The following RSL1D1 variants were observed in gnomAD, a reference collection of about 807,000 sequenced individuals.
The protein encoded by RSL1D1 is ribosomal L1 domain containing 1.
RSL1D1 carries 34 observed loss-of-function variants against 44.6 expected under a neutral mutation model. The ratio of observed to expected loss-of-function variants is 0.76; its 90% confidence interval spans 0.58 to 1.02. The LOEUF (loss-of-function observed/expected upper bound fraction) is 1.02. Ranked by LOEUF, RSL1D1 falls within the 50% of genes least tolerant of loss-of-function variation. RSL1D1 has a pLI of 0.00. For missense variants in RSL1D1, 767 were observed against 568.1 expected (o/e 1.35, Z -3.56); for synonymous variants, 271 against 207.4 (o/e 1.31, Z -2.63).
In RSL1D1 at chr16:11,845,077, A is replaced by G. The variant is rs530713619; in HGVS notation, c.635+1424T>C. Among the ~76,000 whole-genome samples the G allele has an allele frequency of 1.1e-4, 17 of 152,336 alleles. No homozygotes were observed. The South Asian group carries it at 1.9e-3, about 17-fold the overall frequency. On this transcript the variant is annotated intron_variant, in intron 5 of 8. Transcript: ENST00000571133. Reference sequence around the variant, plus strand: ...CACACCAAATAGGCAGATGAACAGGATAAGTGCTGAATTCATTTAATAGGA... The same window carrying G: ...CACACCAAATAGGCAGATGAACAGGGTAAGTGCTGAATTCATTTAATAGGA...
At chr16:11,843,079 G>A (rs1213598711) in intron 5 of RSL1D1, among the ~76,000 whole-genome samples, 2 of 150,410 alleles carry the variant, frequency 1.3e-5, no homozygotes, top group Non-Finnish European at 3.0e-5. Flanking sequence ...GCGCCACCAC[G>A]CCCGGCTAAT....
At chr16:11,842,466 G>A (rs2053769808) in intron 5 of RSL1D1, among the ~76,000 whole-genome samples, 1 of 150,640 alleles carries the variant, frequency 6.6e-6, no homozygotes, top group African/African-American at 2.4e-5. Context: ...TCAACGTACT[G>A]GGCTTAAGTA....
In RSL1D1 at chr16:11,837,697, A is replaced by T; in HGVS notation, c.*90T>A. 8.4e-7 allele frequency: 1 copy of T among 1,191,020 alleles called. No homozygotes were observed. The highest frequency in any genetic ancestry group is 1.2e-6 in the Non-Finnish European group (1 of 836,298). 73.8% of individuals were successfully genotyped at this position (1,191,020 alleles called of 1,614,324 possible). ...TCTTTTAAGTCCAGGCCTGACGTTT[A>T]GAGAAGGTTACAAAGGCGGCCAGGA... On this transcript the variant is annotated 3_prime_UTR_variant, in exon 9 of 9. Transcript: ENST00000571133.
intron 5 of RSL1D1, among the ~76,000 whole-genome samples, chr16:11,844,922 G>T (rs963010046): frequency 1.3e-5 from 2 of 152,158 alleles, no homozygotes; most frequent in African/African-American, 4.8e-5. Context: ...AGCCTGAACC[G>T]CATCCTTTGC....
chr16:11,845,724 T>G (rs1338798666), intron 5 of RSL1D1, among the ~76,000 whole-genome samples: 1 of 117,578 alleles, frequency 8.5e-6, no homozygotes, highest in African/African-American at 2.6e-5. Context: ...GAACTGAACT[T>G]TTTTTTTTTT....
chr16:11,838,781 C>T (rs150418173), intron 8 of RSL1D1, among the ~76,000 whole-genome samples: 3 of 145,344 alleles, frequency 2.1e-5, no homozygotes, highest in East Asian at 4.1e-4. Flanking sequence ...TGCTTGGGCA[C>T]GAAAGGTGGA....
intron 2 of RSL1D1, 83 bp from the exon 3 acceptor site, chr16:11,847,889 C>T: frequency 7.3e-7 from 1 of 1,371,276 alleles, no homozygotes; most frequent in Non-Finnish European, 1.0e-6. Flanking sequence ...ACGCGATAAA[C>T]TTAGTGTTAT....
At chr16:11,847,141 C>T (rs1033629812) in intron 3 of RSL1D1, among the ~76,000 whole-genome samples, 4 of 152,044 alleles carry the variant, frequency 2.6e-5, no homozygotes, top group Admixed American at 6.6e-5. Context: ...TTTGGGAGGC[C>T]GAGGTGGGTG....
chr16:11,845,600 C>T (rs913337397), intron 5 of RSL1D1, among the ~76,000 whole-genome samples: 1 of 152,164 alleles, frequency 6.6e-6, no homozygotes, highest in Admixed American at 6.6e-5. Context: ...AACACAGTAG[C>T]CACATTTCAA....
At chr16:11,848,533 T>A (rs2053814665) in intron 2 of RSL1D1, among the ~76,000 whole-genome samples, 1 of 152,200 alleles carries the variant, frequency 6.6e-6, no homozygotes, top group Non-Finnish European at 1.5e-5. Flanking sequence ...TTTCTTCTTT[T>A]CCTTTTTTTG....
intron 2 of RSL1D1, among the ~76,000 whole-genome samples, 169 bp from the exon 3 acceptor site, chr16:11,847,975 G>T (rs1230863683): frequency 6.6e-6 from 1 of 152,188 alleles, no homozygotes; most frequent in Non-Finnish European, 1.5e-5. Flanking sequence ...TTCATGGCCG[G>T]TAGTAGTGGC....
intron 7 of RSL1D1, among the ~76,000 whole-genome samples, 189 bp from the exon 8 acceptor site, chr16:11,840,174 T>C (rs1182924007): frequency 6.6e-6 from 1 of 152,218 alleles, no homozygotes; most frequent in East Asian, 1.9e-4. Context: ...CAAACATGCA[T>C]TTTATGCAGT....
In RSL1D1 at chr16:11,841,707, A is replaced by G. The variant is rs778657667; in HGVS notation, c.843T>C (p.Asn281=). Residue 281 remains asparagine (N), a synonymous_variant, in exon 7 of 9, where the codon AAT becomes AAC. Coordinates refer to ENST00000571133, the MANE Select transcript of RSL1D1 (RefSeq NM_015659.3). ...WDEATKRSLL[N]KKKKEARRKR... ...AAATTCTACTAACTTTTTTCTTCTT[A>G]TTAAGCAAAGATCTTTTGGTGGCTT... 30 of 1,610,788 alleles carry G rather than the reference A, an allele frequency of 1.9e-5. No individual in the cohort carries two copies. Among genetic ancestry groups the G allele is most frequent in the Non-Finnish European group, 2.5e-5 (29 of 1,179,092 alleles).
intron 5 of RSL1D1, among the ~76,000 whole-genome samples, chr16:11,843,100 T>A (rs896940680): frequency 2.7e-5 from 4 of 149,924 alleles, no homozygotes; most frequent in South Asian, 2.1e-4. Flanking sequence ...TTTTTGTATT[T>A]TTTTTTTTTT....
intron 8 of RSL1D1, 95 bp downstream of exon 8, chr16:11,839,600 T>C (rs1323007521): frequency 6.6e-7 from 1 of 1,510,032 alleles, no homozygotes; most frequent in Non-Finnish European, 8.8e-7. Flanking sequence ...GGGTTCACTC[T>C]AGTATTTTTC....
intron 7 of RSL1D1, 30 bp downstream of exon 7, chr16:11,841,665 C>A: frequency 6.3e-7 from 1 of 1,588,746 alleles, no homozygotes; most frequent in South Asian, 1.1e-5. Context: ...CTTCATTATT[C>A]ATTCTGTAAG....
rs771252515 is a variant in RSL1D1 at position 11,841,824 on chromosome 16, A to C, written c.730-4T>G. 2 of 1,612,760 alleles carry C rather than the reference A, an allele frequency of 1.2e-6. No individual in the cohort carries two copies. The highest frequency in any genetic ancestry group is 1.7e-6 in the Non-Finnish European group (2 of 1,179,678). On this transcript the variant is annotated splice_region_variant and splice_polypyrimidine_tract_variant and intron_variant, in intron 6 of 8. Coordinates refer to ENST00000571133, the MANE Select transcript of RSL1D1 (RefSeq NM_015659.3). ...GGAGTTTCACGCTCTCCCACTTCTG[A>C]AACAAAGAAAAGAGTAACATCGTCT...
intron 5 of RSL1D1, among the ~76,000 whole-genome samples, chr16:11,844,637 T>G (rs2053785767): frequency 6.6e-6 from 1 of 152,144 alleles, no homozygotes; most frequent in Non-Finnish European, 1.5e-5. Context: ...GACACTCCCC[T>G]GGGGTCAGGC....
At chr16:11,846,012 C>T (rs1206879543) in intron 5 of RSL1D1, among the ~76,000 whole-genome samples, 1 of 151,036 alleles carries the variant, frequency 6.6e-6, no homozygotes, top group East Asian at 2.0e-4. Flanking sequence ...GGATTACAGG[C>T]ATAAGCCACT....
Sources: allele counts gnomAD v4.1 joint callset (sites outside exome capture counted in the v4.1 genomes callset), GRCh38; gene constraint gnomAD v4.1.1; transcripts MANE v1.5; gene names NCBI Gene and HGNC (gene_info 2026-07-23, HGNC 2026-07-21).